The following SETD1B variants were observed in gnomAD, a reference collection of about 807,000 sequenced individuals.
SETD1B encodes the protein SET domain containing 1B, histone lysine methyltransferase.
SETD1B carries 7 observed loss-of-function variants against 148.0 expected under a neutral mutation model. That is an observed-to-expected ratio of 0.05 (90% confidence interval 0.03 to 0.09). The LOEUF is 0.09. Among genes scored for constraint, SETD1B ranks in the 10% least tolerant of loss-of-function variants. The probability of loss-of-function intolerance (pLI) is 1.00; values close to 1 mark genes in which losing one functional copy is unlikely to be tolerated. For missense variants in SETD1B, 2,155 were observed against 2,729.9 expected (o/e 0.79, Z 4.69); for synonymous variants, 1,361 against 1,186.5 (o/e 1.15, Z -3.02).
At position 121,827,511 on chromosome 12, in the gene SETD1B, C is replaced by T. The variant is rs1427616173; in HGVS notation, c.5338-8C>T. 2.0e-6 allele frequency: 3 copies of T among 1,532,146 alleles called. No individual in the cohort carries two copies. Among genetic ancestry groups the T allele is most frequent in the East Asian group, 2.5e-5 (1 of 40,610 alleles). The allele number at this position is 1,532,146 out of a possible 1,614,324, so 94.9% of individuals were successfully genotyped here. A position where few individuals can be genotyped will look rare whatever the true frequency, so the allele number is the denominator to read the frequency against. On this transcript the variant is annotated splice_region_variant and splice_polypyrimidine_tract_variant and intron_variant, in intron 13 of 16. Transcript: ENST00000604567. ...GCTCCGCTGAGCCCCGCACACCGTCCACTGCAGGGCATGAGCATCCCAGCA... is the reference window on the plus strand; with the variant it reads ...GCTCCGCTGAGCCCCGCACACCGTCTACTGCAGGGCATGAGCATCCCAGCA...
At chr12:121,813,395 C>T (rs1307976052) in intron 6 of SETD1B, among the ~76,000 whole-genome samples, 4 of 152,222 alleles carry the variant, frequency 2.6e-5, no homozygotes, top group Admixed American at 1.3e-4. Context: ...CCTGCCTGGC[C>T]GTCTGCCGCA....
chr12:121,822,744 CTATCAG>C lies in SETD1B; in HGVS notation c.4166_4171del (p.Leu1389_Gly1391delinsArg). ...AGCCACACCAGGCGGGGAGCCCCCG[CTATCAG>C]GGGGCAGCAGTGGCCTGTCCCTGAG... On this transcript the variant is annotated inframe_deletion, in exon 12 of 17. Transcript: ENST00000604567. The C allele has an allele frequency of 6.6e-7, 1 of 1,516,716 alleles. No individual in the cohort carries two copies. Among genetic ancestry groups the C allele is most frequent in the Non-Finnish European group, 8.9e-7 (1 of 1,124,724 alleles). 94.0% of individuals were successfully genotyped at this position (1,516,716 alleles called of 1,614,324 possible).
Position 121,819,486 on chromosome 12 carries a change from C to T in SETD1B, c.3501C>T (p.Ser1167=), listed in dbSNP as rs779793372. ...CCGAGTCTTCTGAGTTTGAGTCAAG[C>T]TCCGAGTCCTCGCCCTCATCCTCGG... ...ESSESSEFES[S]SESSPSSSED... Residue 1167 remains serine, a synonymous_variant, in exon 11 of 17, where the codon AGC becomes AGT. Transcript: ENST00000604567. The T allele has an allele frequency of 2.4e-5, 37 of 1,552,248 alleles. 2 individuals are homozygous for T. The South Asian group carries it at 4.4e-4, about 18-fold the overall frequency.
Position 121,808,367 on chromosome 12 carries a change from G to T in SETD1B, c.657+47G>T. On this transcript the variant is annotated intron_variant, in intron 5 of 16. Coordinates refer to ENST00000604567, the MANE Select transcript of SETD1B (RefSeq NM_001353345.2). The surrounding 1 kb of genome is among the most constrained non-coding windows in gnomAD (Gnocchi z 5.3). ...TGCCCCATCGCCAGCTCTTTGATGT[G>T]CCCCCCACCTCTGGAAAGCCTCACC... The T allele has an allele frequency of 7.7e-7, 1 of 1,297,670 alleles. No homozygotes were observed. 80.4% of individuals were successfully genotyped at this position (1,297,670 alleles called of 1,614,324 possible). A position where few individuals can be genotyped will look rare whatever the true frequency, so the allele number is the denominator to read the frequency against.
At position 121,804,683 on chromosome 12, in the gene SETD1B, C is replaced by G; in HGVS notation, c.-14-41C>G. On this transcript the variant is annotated intron_variant, in intron 1 of 16. Transcript: ENST00000604567. The surrounding 1 kb of genome is among the most constrained non-coding windows in gnomAD (Gnocchi z 4.6). ...GCGTGTGTGTAGAAGCGGCCGCCGC[C>G]GCCGCCGCGGCGGAGACGACAACAA... 6.5e-7 allele frequency: 1 copy of G among 1,526,728 alleles called. No homozygotes were observed. Among genetic ancestry groups the G allele is most frequent in the Non-Finnish European group, 8.8e-7 (1 of 1,134,156 alleles). 94.6% of individuals were successfully genotyped at this position (1,526,728 alleles called of 1,614,324 possible).
rs200105126 is a variant in SETD1B, at chr12:121,809,958, C to T, written c.1013C>T (p.Ala338Val). ...GTACACAATTCTCCCGCGGTCACTG[C>T]GGTGGCCGGGGCCACAGCCGCTTTC... ...HYVHNSPAVT[A>V]VAGATAAFRG... is the part of the protein sequence containing the mutation. Residue 338 changes from alanine (A) to valine (V), a missense_variant, in exon 6 of 17, where the codon GCG (alanine) becomes GTG (valine). Physicochemically the swap from Ala to Val is moderately conservative, Grantham distance 64. Transcript: ENST00000604567. 5.0e-4 allele frequency: 780 copies of T among 1,551,014 alleles called. 2 individuals carry two copies. In the African/African-American group the frequency reaches 6.4e-3, roughly 13 times the overall value.
intron 10 of SETD1B, among the ~76,000 whole-genome samples, chr12:121,818,558 A>G (rs1327315525): frequency 3.5e-5 from 5 of 141,922 alleles, no homozygotes; most frequent in Non-Finnish European, 7.7e-5. Flanking sequence ...GTGACACTCC[A>G]CCTCAAAAAA....
chr12:121,818,535 C>T (rs12307227), intron 10 of SETD1B, among the ~76,000 whole-genome samples: 27,787 of 151,586 alleles, frequency 0.18, 2,680 homozygotes, highest in African/African-American at 0.24. Flanking sequence ...TGCACTCCAG[C>T]CTGGGTGACA....
At chr12:121,824,417 C>T (rs1258272424) in intron 12 of SETD1B, among the ~76,000 whole-genome samples, 1 of 152,124 alleles carries the variant, frequency 6.6e-6, no homozygotes, top group Non-Finnish European at 1.5e-5. Context: ...GAGGCTGAGG[C>T]GGACGGATCA....
chr12:121,793,501 G>A, the SETD1B span: 2 of 1,542,144 alleles, frequency 1.3e-6, no homozygotes, highest in South Asian at 2.4e-5. Flanking sequence ...CTCACCTCGG[G>A]GAAGGAGCCC....
the SETD1B span, among the ~76,000 whole-genome samples, chr12:121,798,713 A>G: frequency 6.6e-6 from 1 of 152,214 alleles, no homozygotes; most frequent in Non-Finnish European, 1.5e-5. Context: ...GGAGTGGGGC[A>G]CAAGTCCCAA....
chr12:121,813,132 G>T (rs1056127474), intron 6 of SETD1B, among the ~76,000 whole-genome samples: 2 of 152,148 alleles, frequency 1.3e-5, no homozygotes, highest in African/African-American at 4.8e-5. Flanking sequence ...TGGCTGTGCC[G>T]CGGGGCCACG....
At chr12:121,821,070 C>A (rs142650591) in intron 11 of SETD1B, among the ~76,000 whole-genome samples, 1,635 of 152,176 alleles carry the variant, frequency 0.011, 19 homozygotes, top group Middle Eastern at 0.051. Context: ...AGAACCAATT[C>A]TCTGTGTGTA....
At chr12:121,825,101 G>T in intron 12 of SETD1B, 99 bp from the exon 13 acceptor site, 4 of 1,266,912 alleles carry the variant, frequency 3.2e-6, no homozygotes, top group Middle Eastern at 1.9e-4. Context: ...ACTGGACATC[G>T]CTGTCCCTGA....
At chr12:121,806,400 G>A (rs1875743001) in intron 4 of SETD1B, among the ~76,000 whole-genome samples, 1 of 152,124 alleles carries the variant, frequency 6.6e-6, no homozygotes, top group Non-Finnish European at 1.5e-5. Context: ...TCTGAGCCCT[G>A]GTGGCTTGGG....
At chr12:121,798,560 G>A in the SETD1B span, among the ~76,000 whole-genome samples, 1 of 152,214 alleles carries the variant, frequency 6.6e-6, no homozygotes, top group Non-Finnish European at 1.5e-5. Flanking sequence ...ACTTTACAGG[G>A]AGACACTCAC....
At chr12:121,801,122 C>T (rs1258982051), upstream of SETD1B, 4 of 152,240 alleles carry the variant, frequency 2.6e-5, no homozygotes, top group Non-Finnish European at 5.9e-5. Context: ...GGCCTTTTGT[C>T]CTCCTTCGCG....
At chr12:121,793,180 C>T in the SETD1B span, 1 of 1,550,756 alleles carries the variant, frequency 6.4e-7, no homozygotes, top group African/African-American at 1.4e-5. Context: ...TCAGGGTCAC[C>T]TCCTTGCTGC....
At position 121,814,161 on chromosome 12, in the gene SETD1B, C is replaced by T. The variant is rs1327178625; in HGVS notation, c.1946C>T (p.Ala649Val). The T allele has an allele frequency of 5.2e-6, 8 of 1,547,608 alleles. No individual in the cohort carries two copies. Among genetic ancestry groups the T allele is most frequent in the East Asian group, 2.4e-5 (1 of 40,822 alleles). The change falls in exon 7 of 17, where the codon GCC becomes GTC. Residue 649 changes from alanine (A) to valine (V), a missense_variant. Coordinates refer to ENST00000604567, the MANE Select transcript of SETD1B (RefSeq NM_001353345.2). ...ATCTCGGATGACGAGATGCCCTCGG[C>T]CCCCATCACCAGCGCTGACTGCCCC... is the stretch of plus-strand genomic sequence containing the variant. ...MEISDDEMPS[A>V]PITSADCPKP...
Sources: gnomAD v4.1 joint callset for allele counts (sites outside exome capture counted in the v4.1 genomes callset) on GRCh38, gnomAD v4.1.1 for gene constraint, Gnocchi (gnomAD v3.1) non-coding constraint, MANE v1.5 for transcripts, NCBI Gene and HGNC (gene_info 2026-07-23, HGNC 2026-07-21) for gene names.